Variants in MCU observed in about 807,000 individuals in gnomAD.
MCU encodes the protein calcium uniporter protein, mitochondrial.
A neutral mutation model predicts 45.2 loss-of-function variants in MCU; 12 were observed. That is an observed-to-expected ratio of 0.27 (90% CI 0.17 to 0.43). The LOEUF (loss-of-function observed/expected upper bound fraction) is 0.43. MCU is among the 20% of genes least tolerant of loss of function. The probability of loss-of-function intolerance (pLI) is 1.00; values close to 1 mark genes in which losing one functional copy is unlikely to be tolerated. For synonymous variants in MCU, 160 were observed against 165.1 expected, an observed-to-expected ratio of 0.97 and a Z score of 0.24; for missense variants, 324 against 436.7, an observed-to-expected ratio of 0.74 and a Z score of 2.30.
intron 1 of MCU, among the ~76,000 whole-genome samples, chr10:72,785,134 C>A (rs543317613): frequency 1.3e-5 from 2 of 152,246 alleles, no homozygotes; most frequent in African/African-American, 4.8e-5. Flanking sequence ...CCCACATTTC[C>A]ACATATATTA....
chr10:72,812,384 G>A (rs1439154012), intron 1 of MCU, among the ~76,000 whole-genome samples: 2 of 152,148 alleles, frequency 1.3e-5, no homozygotes. Context: ...GAGCTCAGGT[G>A]ATCCGCCCGC....
chr10:72,802,429 A>G (rs1465178674), intron 1 of MCU, among the ~76,000 whole-genome samples: 1 of 149,726 alleles, frequency 6.7e-6, no homozygotes, highest in Non-Finnish European at 1.5e-5. Flanking sequence ...AAAAAAAAAG[A>G]TGAGTGACTC....
chr10:72,776,151 T>C (rs1254539177), intron 1 of MCU, among the ~76,000 whole-genome samples: 2 of 151,064 alleles, frequency 1.3e-5, no homozygotes, highest in South Asian at 2.1e-4. Flanking sequence ...CTGGGCAACA[T>C]GAGTGAGACC....
At chr10:72,718,780 C>T (rs750604590) in intron 1 of MCU, among the ~76,000 whole-genome samples, 3 of 152,194 alleles carry the variant, frequency 2.0e-5, no homozygotes, top group Non-Finnish European at 4.4e-5. Context: ...GACATAACCA[C>T]ATAATGAGTA....
chr10:72,815,473 A>G (rs1844611830), intron 1 of MCU, among the ~76,000 whole-genome samples: 1 of 152,232 alleles, frequency 6.6e-6, no homozygotes, highest in African/African-American at 2.4e-5. Flanking sequence ...AAAATATGGA[A>G]CTTAAATGGA....
chr10:72,766,818 TTTAAA>T (rs1843734201), intron 1 of MCU: 1 of 152,224 alleles, frequency 6.6e-6, no homozygotes, highest in African/African-American at 2.4e-5. Flanking sequence ...TTCCTTCTGA[TTTAAA>T]TAAATTTCAT....
chr10:72,865,375 A>G (rs1394840491), intron 4 of MCU, among the ~76,000 whole-genome samples: 4 of 152,224 alleles, frequency 2.6e-5, no homozygotes, highest in Non-Finnish European at 5.9e-5. Context: ...AAGTAATTCA[A>G]TAGCAGCATT....
intron 4 of MCU, among the ~76,000 whole-genome samples, chr10:72,863,933 T>C (rs1332705543): frequency 6.6e-6 from 1 of 152,234 alleles, no homozygotes; most frequent in Non-Finnish European, 1.5e-5. Flanking sequence ...TATCGTTTAC[T>C]ACCATAAAAT....
rs112670190 is a variant in MCU at position 72,736,183 on chromosome 10, T to C, written c.150+43882T>C. Among the ~76,000 whole-genome samples the C allele has an allele frequency of 3.2e-3, 485 of 152,290 alleles. 2 individuals are homozygous for C. The highest frequency in any genetic ancestry group is 5.2e-3 in the Non-Finnish European group (353 of 68,022). On this transcript the variant is annotated intron_variant, in intron 1 of 7. Transcript: ENST00000373053. ...TTTGTGTATTCATGGACGTTGGATATATGGATTTTTTTTTGCCATTGGAAG... is the reference window on the plus strand; with the variant it reads ...TTTGTGTATTCATGGACGTTGGATACATGGATTTTTTTTTGCCATTGGAAG...
intron 1 of MCU, among the ~76,000 whole-genome samples, chr10:72,694,410 T>C (rs778177853): frequency 6.6e-6 from 1 of 152,232 alleles, no homozygotes; most frequent in Non-Finnish European, 1.5e-5. Flanking sequence ...TCACCTCTTA[T>C]TGTGTTCTTT....
chr10:72,800,667 A>G (rs766787676), intron 1 of MCU, among the ~76,000 whole-genome samples: 2 of 152,248 alleles, frequency 1.3e-5, no homozygotes, highest in Middle Eastern at 3.2e-3. Flanking sequence ...AACATCCTGT[A>G]ACAGAATACT....
At chr10:72,821,613 A>G (rs904748745) in intron 1 of MCU, among the ~76,000 whole-genome samples, 17 of 152,148 alleles carry the variant, frequency 1.1e-4, no homozygotes, top group Non-Finnish European at 1.3e-4. Flanking sequence ...GGGTGGCAGC[A>G]TATTATATTT....
rs887998863 is a variant in MCU, at chr10:72,692,230, G to A, written c.79G>A (p.Gly27Arg). 10 of 1,243,076 alleles carry A rather than the reference G, an allele frequency of 8.0e-6. No individual in the cohort carries two copies. In the East Asian group the frequency reaches 2.5e-4, roughly 31 times the overall value. The allele number at this position is 1,243,076 out of a possible 1,614,324, so 77.0% of individuals were successfully genotyped here. A position where few individuals can be genotyped will look rare whatever the true frequency, so the allele number is the denominator to read the frequency against. ...CGGCGGCGGGGGCGCCGGCGGCTGC[G>A]GGGCGCTGACTGCCGGCTGCTTCCC... ...GGGGGGAGGC[G>R]ALTAGCFPGL... is the part of the protein sequence containing the mutation. The change falls in exon 1 of 8, where the codon GGG becomes AGG. Residue 27 changes from glycine to arginine, a missense_variant. Physicochemically the swap from Gly to Arg is moderately radical, Grantham distance 125. Around this residue, in one of 4 missense-constraint regions of MCU, gnomAD observed 111 missense variants for 112.3 expected, o/e 0.99. Coordinates refer to ENST00000373053, the MANE Select transcript of MCU (RefSeq NM_138357.3).
chr10:72,818,667 C>G (rs1306048512), intron 1 of MCU, among the ~76,000 whole-genome samples: 1 of 151,930 alleles, frequency 6.6e-6, no homozygotes, highest in African/African-American at 2.4e-5. Flanking sequence ...TGGTGAAAAC[C>G]CTGTCTCTAC....
chr10:72,797,620 C>T (rs1483964548), intron 1 of MCU, among the ~76,000 whole-genome samples: 2 of 150,260 alleles, frequency 1.3e-5, no homozygotes, highest in African/African-American at 2.5e-5. Flanking sequence ...CTGCAACCTC[C>T]GTCTCCTGGG....
intron 2 of MCU, among the ~76,000 whole-genome samples, chr10:72,837,898 C>T (rs916442805): frequency 6.7e-6 from 1 of 148,960 alleles, no homozygotes; most frequent in African/African-American, 2.5e-5. Flanking sequence ...CACTCTGTCG[C>T]CAGGCTGGAG....
chr10:72,863,155 C>T (rs1368861106), intron 4 of MCU, among the ~76,000 whole-genome samples: 1 of 152,122 alleles, frequency 6.6e-6, no homozygotes, highest in Non-Finnish European at 1.5e-5. Flanking sequence ...TCTTCCTAAC[C>T]CCTGTTTTCT....
intron 1 of MCU, among the ~76,000 whole-genome samples, chr10:72,757,674 A>G (rs991245496): frequency 2.0e-5 from 3 of 152,206 alleles, no homozygotes; most frequent in Non-Finnish European, 4.4e-5. Context: ...TTGAAGAGTT[A>G]TTTGATAATA....
At chr10:72,815,038 T>C (rs756759918) in intron 1 of MCU, among the ~76,000 whole-genome samples, 1 of 152,146 alleles carries the variant, frequency 6.6e-6, no homozygotes, top group Non-Finnish European at 1.5e-5. Context: ...ATTATATCAA[T>C]TTAAGAAAAT....
Sources: allele counts gnomAD v4.1 joint callset (sites outside exome capture counted in the v4.1 genomes callset), GRCh38; gene constraint gnomAD v4.1.1; regional missense constraint gnomAD v4.1.1; transcripts MANE v1.5; gene names NCBI Gene and HGNC (gene_info 2026-07-23, HGNC 2026-07-21).